The following LVRN variants were observed in gnomAD, a reference collection of about 807,000 sequenced individuals.
LVRN encodes laeverin.
In LVRN, 99 loss-of-function variants were observed where a neutral mutation model predicts 111.4. The observed-to-expected ratio is 0.89, with a 90% CI of 0.76 to 1.05. The LOEUF (loss-of-function observed/expected upper bound fraction) is 1.05. LVRN is among the 50% of genes least tolerant of loss of function. LVRN has a pLI of 0.00. For synonymous variants in LVRN, 488 were observed against 449.5 expected (o/e 1.09, Z -1.08); for missense variants, 1,414 against 1,206.8 (o/e 1.17, Z -2.54).
At chr5:115,991,231 C>T (rs1321774449) in intron 4 of LVRN, among the ~76,000 whole-genome samples, 1 of 152,174 alleles carries the variant, frequency 6.6e-6, no homozygotes, top group Non-Finnish European at 1.5e-5. Context: ...TCCCTGACAA[C>T]CACCAATCTT....
rs753058710 is a variant in LVRN at position 116,010,879 on chromosome 5, A to G, written c.2232A>G (p.Ile744Met). 2.8e-5 allele frequency: 45 copies of G among 1,582,934 alleles called. No individual in the cohort carries two copies. Among genetic ancestry groups the G allele is most frequent in the Non-Finnish European group, 3.6e-5 (42 of 1,167,978 alleles). The change falls in exon 14 of 20, where the codon ATA becomes ATG. Residue 744 changes from isoleucine (I) to methionine (M), a missense_variant. Ile to Met is a conservative substitution (Grantham distance 10, BLOSUM62 1). Coordinates refer to ENST00000357872, the MANE Select transcript of LVRN (RefSeq NM_173800.5). ...TTTCTGAGGTGAACATCTATGATAT[A>G]TACTCATTATTAAAGGTAATTTCAT... ...DLVSEVNIYD[I>M]YSLLKRYLLK...
Position 115,963,309 on chromosome 5 carries a change from G to A in LVRN, c.692G>A (p.Arg231His), listed in dbSNP as rs746222533. The change falls in exon 1 of 20, where the codon CGC becomes CAC. Residue 231 changes from arginine to histidine, a missense_variant. By Grantham distance (29) the Arg-to-His change is conservative. Transcript: ENST00000357872. ...FLNVYTDQGE[R>H]RALLASQLEP... Reference sequence around the variant, plus strand: ...AACGTCTACACCGACCAGGGCGAGCGCAGGTAAGGGCTGTACAGCCCGGGG... The same window carrying A: ...AACGTCTACACCGACCAGGGCGAGCACAGGTAAGGGCTGTACAGCCCGGGG... 6.2e-7 allele frequency: 1 copy of A among 1,603,822 alleles called. No homozygotes were observed. The highest frequency in any genetic ancestry group is 1.7e-5 in the Admixed American group (1 of 59,384).
intron 12 of LVRN, among the ~76,000 whole-genome samples, chr5:116,003,645 G>A (rs1275254117): frequency 6.7e-6 from 1 of 148,548 alleles, no homozygotes; most frequent in Non-Finnish European, 1.5e-5. Flanking sequence ...GCAGTGACGC[G>A]ATCTCGGCTC....
rs547896369 is a variant in LVRN, at chr5:116,006,928, A to G, written c.2093+961A>G. Among the ~76,000 whole-genome samples, 86 of 152,290 alleles carry G rather than the reference A, an allele frequency of 5.6e-4. 1 individual carries two copies. Among genetic ancestry groups the G allele is most frequent in the African/African-American group, 1.9e-3 (80 of 41,574 alleles). On this transcript the variant is annotated intron_variant, in intron 13 of 19. Coordinates refer to ENST00000357872, the MANE Select transcript of LVRN (RefSeq NM_173800.5). ...GCTCTTGCTATCAATTTTTCCCTGCATGTCAAAGTTACTCTTCTTTTCATC... is the reference window on the plus strand; with the variant it reads ...GCTCTTGCTATCAATTTTTCCCTGCGTGTCAAAGTTACTCTTCTTTTCATC...
chr5:115,994,158 A>G (rs1482098766), intron 6 of LVRN, among the ~76,000 whole-genome samples: 2 of 152,136 alleles, frequency 1.3e-5, no homozygotes, highest in Admixed American at 1.3e-4. Context: ...TCTACAAATC[A>G]TTAGATCTTT....
At chr5:115,969,025 T>C (rs1026932169) in intron 1 of LVRN, among the ~76,000 whole-genome samples, 18 of 152,184 alleles carry the variant, frequency 1.2e-4, no homozygotes, top group African/African-American at 3.6e-4. Context: ...TTGACTGTTA[T>C]GAAGGAATGG....
At chr5:116,004,155 C>T (rs535676090) in intron 12 of LVRN, among the ~76,000 whole-genome samples, 1 of 152,146 alleles carries the variant, frequency 6.6e-6, no homozygotes, top group Non-Finnish European at 1.5e-5. Flanking sequence ...CTTCTAAAAA[C>T]ATATTTCCAC....
chr5:116,012,997 A>T (rs1158267307), intron 15 of LVRN, among the ~76,000 whole-genome samples: 3 of 152,058 alleles, frequency 2.0e-5, no homozygotes, highest in African/African-American at 7.2e-5. Context: ...GCATATTGTC[A>T]TGGTGGTCTA....
intron 1 of LVRN, chr5:115,975,520 C>A: frequency 6.1e-6 from 1 of 162,888 alleles, no homozygotes; most frequent in Non-Finnish European, 1.3e-5. Context: ...TGTTGGAAGT[C>A]CAGATGAATA....
Position 115,975,408 on chromosome 5 carries a change from A to G in LVRN, c.696-7879A>G, listed in dbSNP as rs79494320. The stretch of plus-strand genomic sequence containing the variant: ...CTCCATCTCCACCACCGTATAACAA[A>G]TGCTTCTAAACTTTTATTGCATCAC... On this transcript the variant is annotated intron_variant, in intron 1 of 19. Transcript: ENST00000357872. 652 of 199,356 alleles carry G rather than the reference A, an allele frequency of 3.3e-3. 13 individuals carry two copies. The highest frequency in any genetic ancestry group is 0.028 in the South Asian group (300 of 10,824). 12.3% of individuals were successfully genotyped at this position (199,356 alleles called of 1,614,324 possible).
At chr5:116,020,973 G>A (rs1323004775) in intron 18 of LVRN, 4 of 152,140 alleles carry the variant, frequency 2.6e-5, no homozygotes, top group South Asian at 2.1e-4. Context: ...TAAACTATTC[G>A]TAATGCAATT....
At position 115,993,755 on chromosome 5, in the gene LVRN, G is replaced by T. The variant is rs1337524134; in HGVS notation, c.1275G>T (p.Leu425Phe). 3 of 1,603,118 alleles carry T rather than the reference G, an allele frequency of 1.9e-6. No individual in the cohort carries two copies. The African/African-American group carries it at 4.0e-5, about 22-fold the overall frequency. Residue 425 changes from leucine (L) to phenylalanine (F), a missense_variant, in exon 6 of 20, where the codon TTG becomes TTT. Coordinates refer to ENST00000357872, the MANE Select transcript of LVRN (RefSeq NM_173800.5). ...ATTTCCAAAAGTGGTTTGGAAACTT[G>T]GTTACCATGAATTGGTGGAACAATA... ...HEIGHQWFGN[L>F]VTMNWWNNIW...
At chr5:115,964,471 G>T (rs911314255) in intron 1 of LVRN, among the ~76,000 whole-genome samples, 1 of 152,122 alleles carries the variant, frequency 6.6e-6, no homozygotes, top group Admixed American at 6.5e-5. Flanking sequence ...TGAAAAAATA[G>T]TTTTGAAATT....
At chr5:116,022,193 A>G (rs991362300) in intron 18 of LVRN, 198 bp from the exon 19 acceptor site, 6 of 474,628 alleles carry the variant, frequency 1.3e-5, no homozygotes, top group South Asian at 6.3e-5. Context: ...TGTAACACAT[A>G]TAAGTATTTA....
intron 13 of LVRN, among the ~76,000 whole-genome samples, chr5:116,007,781 G>A (rs1748408227): frequency 6.6e-6 from 1 of 152,166 alleles, no homozygotes; most frequent in African/African-American, 2.4e-5. Flanking sequence ...TCATTTTCCA[G>A]CAGCATGTGC....
chr5:115,996,934 A>G (rs985271946), intron 6 of LVRN, among the ~76,000 whole-genome samples: 5 of 152,228 alleles, frequency 3.3e-5, no homozygotes, highest in Non-Finnish European at 5.9e-5. Flanking sequence ...TGATAATTGC[A>G]TCTGCTAGGT....
At chr5:115,964,468 A>C (rs978751404) in intron 1 of LVRN, among the ~76,000 whole-genome samples, 1 of 152,232 alleles carries the variant, frequency 6.6e-6, no homozygotes, top group Non-Finnish European at 1.5e-5. Context: ...GCTTGAAAAA[A>C]TAGTTTTGAA....
At chr5:115,971,849 GA>G (rs1016781377) in intron 1 of LVRN, among the ~76,000 whole-genome samples, 3 of 151,398 alleles carry the variant, frequency 2.0e-5, no homozygotes, top group African/African-American at 4.8e-5. Flanking sequence ...ATTAAATAAA[GA>G]AAAAAAAGCA....
rs772819207 is a variant in LVRN at position 116,026,158 on chromosome 5, T to C, written c.*40T>C. ...TCAGCACTCCTCTTGCATATTATAA[T>C]GTAGTTTGTTCACAGTTTTGTCTTC... On this transcript the variant is annotated 3_prime_UTR_variant, in exon 20 of 20. Coordinates refer to ENST00000357872, the MANE Select transcript of LVRN (RefSeq NM_173800.5). The C allele has an allele frequency of 1.2e-6, 2 of 1,611,384 alleles. No individual in the cohort carries two copies. Among genetic ancestry groups the C allele is most frequent in the Non-Finnish European group, 1.7e-6 (2 of 1,178,958 alleles).
Sources: allele counts gnomAD v4.1 joint callset (sites outside exome capture counted in the v4.1 genomes callset), GRCh38; gene constraint gnomAD v4.1.1; transcripts MANE v1.5; gene names NCBI Gene and HGNC (gene_info 2026-07-23, HGNC 2026-07-21).